The following PHYH variants were observed in gnomAD, a reference collection of about 807,000 sequenced individuals.
PHYH encodes phytanoyl-CoA 2-hydroxylase.
PHYH carries 32 observed loss-of-function variants against 38.5 expected under a neutral mutation model. The observed-to-expected ratio is 0.83, with a 90% CI of 0.63 to 1.12. PHYH has a LOEUF of 1.12. Among genes scored for constraint, PHYH ranks in the 50% most tolerant of loss-of-function variants. PHYH has a pLI of 0.00. For missense variants in PHYH, 426 were observed against 434.8 expected (o/e 0.98, Z 0.18); for synonymous variants, 166 against 157.9 (o/e 1.05, Z -0.38).
intron 8 of PHYH, among the ~76,000 whole-genome samples, chr10:13,278,856 A>T (rs774393263): frequency 4.6e-5 from 7 of 152,014 alleles, no homozygotes; most frequent in Non-Finnish European, 1.0e-4. Flanking sequence ...CCGACTTCTA[A>T]AACAGTGTTA....
chr10:13,277,992 G>A lies in PHYH; in HGVS notation c.*309C>T. The stretch of plus-strand genomic sequence containing the variant: ...AGCTCCAAATCATTCACTTCTTCTT[G>A]GGTAAAGAGCTAACTGAATGAAAGA... On this transcript the variant is annotated 3_prime_UTR_variant, in exon 9 of 9. Coordinates refer to ENST00000263038, the MANE Select transcript of PHYH (RefSeq NM_006214.4). 2.7e-6 allele frequency: 1 copy of A among 371,832 alleles called. No individual in the cohort carries two copies. Among genetic ancestry groups the A allele is most frequent in the Non-Finnish European group, 5.1e-6 (1 of 196,108 alleles). The allele number at this position is 371,832 out of a possible 1,614,324, so 23.0% of individuals were successfully genotyped here.
rs530923498 is a variant in PHYH at position 13,277,948 on chromosome 10, G to A, written c.*353C>T. The A allele has an allele frequency of 4.1e-4, 134 of 330,184 alleles. No homozygotes were observed. Among genetic ancestry groups the A allele is most frequent in the African/African-American group, 2.7e-3 (125 of 46,602 alleles). The allele number at this position is 330,184 out of a possible 1,614,324, so 20.5% of individuals were successfully genotyped here. On this transcript the variant is annotated 3_prime_UTR_variant, in exon 9 of 9. Transcript: ENST00000263038. ...GTAGGGAATGGGTTTATCAGAAAGGGGATACAAAACATACCCTAAGCTCCA... is the reference window on the plus strand; with the variant it reads ...GTAGGGAATGGGTTTATCAGAAAGGAGATACAAAACATACCCTAAGCTCCA...
chr10:13,298,321 C>T, intron 1 of PHYH, 76 bp from the exon 2 acceptor site: 1 of 873,552 alleles, frequency 1.1e-6, no homozygotes, highest in South Asian at 1.3e-5. Context: ...AATTCCAGCA[C>T]TTTGGGAGGC....
At chr10:13,298,973 T>TAAC (rs1486788149) in intron 1 of PHYH, among the ~76,000 whole-genome samples, 2 of 142,488 alleles carry the variant, frequency 1.4e-5, no homozygotes, top group African/African-American at 5.2e-5. Flanking sequence ...ATAACAACAA[T>TAAC]AACAACAACA....
rs56043624 is a variant in PHYH at position 13,298,718 on chromosome 10, CACTACTACTACTACT to C, written c.76-488_76-474del. Among the ~76,000 whole-genome samples the C allele has an allele frequency of 3.2e-5, 3 of 93,438 alleles. No homozygotes were observed. The East Asian group carries it at 1.0e-3, about 33-fold the overall frequency. 61.3% of individuals were successfully genotyped at this position (93,438 alleles called of 152,430 possible). A position where few individuals can be genotyped will look rare whatever the true frequency, so the allele number is the denominator to read the frequency against. On this transcript the variant is annotated intron_variant, in intron 1 of 8. Coordinates refer to ENST00000263038, the MANE Select transcript of PHYH (RefSeq NM_006214.4). ...TCCATCTCAGAAAAAAAACTACCAC[CACTACTACTACTACT>C]ACTACTACTACTACTACTACTACTA...
intron 4 of PHYH, among the ~76,000 whole-genome samples, chr10:13,294,093 T>C (rs1376328716): frequency 1.3e-5 from 2 of 152,042 alleles, no homozygotes; most frequent in Non-Finnish European, 2.9e-5. Context: ...ACCTAGCTAC[T>C]TGGGAGGCTG....
chr10:13,280,095 A>G (rs1160484948), intron 8 of PHYH, among the ~76,000 whole-genome samples: 1 of 151,816 alleles, frequency 6.6e-6, no homozygotes, highest in African/African-American at 2.4e-5. Flanking sequence ...CAGCCTCCCG[A>G]GTAGCTGGGA....
chr10:13,298,177 A>G lies in PHYH; in HGVS notation c.134+10T>C, dbSNP rs528171891. The G allele has an allele frequency of 5.5e-5, 86 of 1,570,634 alleles. No individual in the cohort carries two copies. The highest frequency in any genetic ancestry group is 7.5e-5 in the Non-Finnish European group (86 of 1,140,418). On this transcript the variant is annotated intron_variant, in intron 2 of 8. Coordinates refer to ENST00000263038, the MANE Select transcript of PHYH (RefSeq NM_006214.4). ...TAATATATTTCAAAATCAAAACTCA[A>G]ACTACTTACTGGAATTGTTGAGGAT...
At chr10:13,291,626 A>T (rs1835712627) in intron 5 of PHYH, 2 of 565,720 alleles carry the variant, frequency 3.5e-6, no homozygotes, top group South Asian at 4.0e-5. Flanking sequence ...CTACAAGTGC[A>T]TACCACCATG....
In PHYH at chr10:13,281,021, TCC is replaced by T. The variant is rs1835397457; in HGVS notation, c.916_917del (p.Gly306AsnfsTer4). Reference sequence around the variant, plus strand: ...CAGCTCCAAAGAATTTATGTGCTATTCCTACAACTTCCTTCTCGATGTTTTCT... The same window carrying T: ...CAGCTCCAAAGAATTTATGTGCTATTTACAACTTCCTTCTCGATGTTTTCT... ...SQENIEKEVV[G>X]IAHKFFGAEN... On this transcript the variant is annotated frameshift_variant, in exon 8 of 9. Transcript: ENST00000263038. LOFTEE classifies it low-confidence loss of function (END_TRUNC). The T allele has an allele frequency of 6.2e-7, 1 of 1,613,882 alleles. No individual in the cohort carries two copies.
intron 6 of PHYH, among the ~76,000 whole-genome samples, chr10:13,286,912 T>C (rs1289743507): frequency 1.3e-5 from 2 of 152,162 alleles, no homozygotes; most frequent in Non-Finnish European, 2.9e-5. Flanking sequence ...GGATGGAGTA[T>C]CTTGATTGTG....
chr10:13,299,722 G>A (rs1364835956), intron 1 of PHYH: 2 of 1,302,584 alleles, frequency 1.5e-6, no homozygotes, highest in African/African-American at 1.6e-5. Context: ...GGATCCCGGA[G>A]GGCAGGGCAA....
At chr10:13,282,528 G>T (rs1835435736) in intron 7 of PHYH, among the ~76,000 whole-genome samples, 1 of 141,990 alleles carries the variant, frequency 7.0e-6, no homozygotes. Flanking sequence ...GGAGGCCAAG[G>T]TTGCAGTCAG....
At chr10:13,278,392 C>T (rs752933395) in intron 8 of PHYH, 38 bp from the exon 9 acceptor site, 21 of 1,399,658 alleles carry the variant, frequency 1.5e-5, no homozygotes, top group Middle Eastern at 1.8e-4. Context: ...TTATGGAACA[C>T]TTCAATCTGC....
chr10:13,298,649 T>C (rs1387947080), intron 1 of PHYH, among the ~76,000 whole-genome samples: 4 of 150,914 alleles, frequency 2.7e-5, no homozygotes, highest in Non-Finnish European at 5.9e-5. Context: ...TGCAGTGAGC[T>C]GAGATCAGGC....
intron 1 of PHYH, chr10:13,299,740 A>G: frequency 5.4e-6 from 7 of 1,307,740 alleles, no homozygotes; most frequent in Non-Finnish European, 6.8e-6. Context: ...CAACGCGGCA[A>G]TTGCCCCGAC....
intron 7 of PHYH, 129 bp from the exon 8 acceptor site, chr10:13,281,239 C>T (rs1588506133): frequency 8.1e-6 from 7 of 864,640 alleles, no homozygotes; most frequent in Non-Finnish European, 1.3e-5. Context: ...AAAGTCAGGT[C>T]CATTGCATCC....
Position 13,288,403 on chromosome 10 carries a change from G to A in PHYH, c.635C>T (p.Thr212Ile), listed in dbSNP as rs1835609711. The stretch of plus-strand genomic sequence containing the variant: ...GTGGGGCTTCAGGGAGCCCTTGTGT[G>A]TGCCTGGGAGCACAACCAGACAGCC... Reference protein sequence around the residue: ...NNGCLVVLPGTHKGSLKPHDY... With the variant: ...NNGCLVVLPGIHKGSLKPHDY... Residue 212 changes from threonine (T) to isoleucine (I), a missense_variant, in exon 6 of 9, where the codon ACA becomes ATA. Thr to Ile is a moderately conservative substitution (Grantham distance 89). Transcript: ENST00000263038. 6.2e-7 allele frequency: 1 copy of A among 1,614,024 alleles called. No individual in the cohort carries two copies. The highest frequency in any genetic ancestry group is 1.3e-5 in the African/African-American group (1 of 74,940).
chr10:13,278,372 CAG>C lies in PHYH; in HGVS notation c.964-20_964-19del, dbSNP rs1396963842. The C allele has an allele frequency of 1.9e-6, 3 of 1,596,504 alleles. No homozygotes were observed. The highest frequency in any genetic ancestry group is 2.6e-6 in the Non-Finnish European group (3 of 1,164,174). ...CAAATATCCTGGAAATAATATCAAA[CAG>C]AGTGGGTTTATGGAACACTTCAATC... is the stretch of plus-strand genomic sequence containing the variant. On this transcript the variant is annotated intron_variant, in intron 8 of 8. Transcript: ENST00000263038.
Sources: gnomAD v4.1 joint callset for allele counts (sites outside exome capture counted in the v4.1 genomes callset) on GRCh38, gnomAD v4.1.1 for gene constraint, MANE v1.5 for transcripts, NCBI Gene and HGNC (gene_info 2026-07-23, HGNC 2026-07-21) for gene names.